ST6GALNAC3: variants seen among roughly 807,000 people sequenced by gnomAD.
The protein encoded by ST6GALNAC3 is alpha-N-acetylgalactosaminide alpha-2,6-sialyltransferase 3.
Under a neutral mutation model 32.7 loss-of-function variants are expected in ST6GALNAC3, and 25 were observed. The observed-to-expected ratio is 0.76, with a 90% CI of 0.56 to 1.07. The LOEUF (loss-of-function observed/expected upper bound fraction) is 1.07. Ranked by LOEUF, ST6GALNAC3 falls within the 50% of genes least tolerant of loss-of-function variation. The pLI, the probability that ST6GALNAC3 is intolerant of heterozygous loss-of-function variation, is 0.00. For synonymous variants in ST6GALNAC3, 129 were observed against 133.1 expected (o/e 0.97, Z 0.21); for missense variants, 355 against 382.4 (o/e 0.93, Z 0.60).
At chr1:76,412,597 C>G (rs983351418) in intron 3 of ST6GALNAC3, among the ~76,000 whole-genome samples, 180 bp downstream of exon 3, 1 of 152,176 alleles carries the variant, frequency 6.6e-6, no homozygotes, top group African/African-American at 2.4e-5. Context: ...CCTATACTAC[C>G]TCCTGTTCTT....
chr1:76,458,626 A>AT (rs1157320977), intron 3 of ST6GALNAC3, among the ~76,000 whole-genome samples: 6 of 150,070 alleles, frequency 4.0e-5, no homozygotes, highest in Non-Finnish European at 8.9e-5. Context: ...TCAGTAAACT[A>AT]TTGCAAGAAC....
chr1:76,498,715 C>T (rs1328660291), intron 3 of ST6GALNAC3, among the ~76,000 whole-genome samples: 8 of 128,330 alleles, frequency 6.2e-5, no homozygotes, highest in South Asian at 3.4e-4. Context: ...TCCTTTGATT[C>T]GCAACAAAGC....
chr1:76,578,324 G>A (rs964512171), intron 3 of ST6GALNAC3, among the ~76,000 whole-genome samples: 1 of 152,020 alleles, frequency 6.6e-6, no homozygotes, highest in African/African-American at 2.4e-5. Context: ...ACAACTAGAT[G>A]TAGTAAACAA....
At chr1:76,620,682 G>A (rs1648579032) in intron 3 of ST6GALNAC3, among the ~76,000 whole-genome samples, 1 of 151,968 alleles carries the variant, frequency 6.6e-6, no homozygotes, top group African/African-American at 2.4e-5. Context: ...CTAATCTCAT[G>A]TAAAGCTAAT....
chr1:76,457,900 A>C (rs1376996653), intron 3 of ST6GALNAC3, among the ~76,000 whole-genome samples: 2 of 150,832 alleles, frequency 1.3e-5, no homozygotes, highest in Admixed American at 1.3e-4. Flanking sequence ...TAATTAAACT[A>C]AAGAGCTTCT....
intron 2 of ST6GALNAC3, among the ~76,000 whole-genome samples, chr1:76,357,089 G>C (rs192059064): frequency 6.8e-6 from 1 of 147,964 alleles, no homozygotes; most frequent in Admixed American, 6.8e-5. Flanking sequence ...TGGCTCTCCA[G>C]AAAATAGCTT....
At chr1:76,131,725 A>G (rs1438797917) in intron 1 of ST6GALNAC3, among the ~76,000 whole-genome samples, 2 of 152,268 alleles carry the variant, frequency 1.3e-5, no homozygotes, top group East Asian at 3.9e-4. Flanking sequence ...GCACCAGGTA[A>G]TTTATTCTTG....
At position 76,305,191 on chromosome 1, in the gene ST6GALNAC3, A is replaced by G. The variant is rs549385550; in HGVS notation, c.19-8614A>G. Among the ~76,000 whole-genome samples, 12 of 152,208 alleles carry G rather than the reference A, an allele frequency of 7.9e-5. No individual in the cohort carries two copies. The East Asian group carries it at 2.3e-3, about 29-fold the overall frequency. On this transcript the variant is annotated intron_variant, in intron 1 of 4. Coordinates refer to ENST00000328299, the MANE Select transcript of ST6GALNAC3 (RefSeq NM_152996.4). ...TGGAAAGTCCTGATGGGTCAGGTCC[A>G]TATCTAATCTTAAGAAGGGCAGCCT...
intron 3 of ST6GALNAC3, among the ~76,000 whole-genome samples, chr1:76,607,716 T>G (rs1264338102): frequency 6.6e-6 from 1 of 152,176 alleles, no homozygotes; most frequent in African/African-American, 2.4e-5. Flanking sequence ...TCTGGGTTGA[T>G]GGAGACAGAA....
chr1:76,075,204 C>T (rs954047743), intron 1 of ST6GALNAC3, among the ~76,000 whole-genome samples: 7 of 152,126 alleles, frequency 4.6e-5, no homozygotes, highest in African/African-American at 1.4e-4. Context: ...GCGGGTCCCG[C>T]GGCTCTGTGG....
intron 3 of ST6GALNAC3, chr1:76,577,384 A>T (rs1646828116): frequency 1.0e-6 from 1 of 953,374 alleles, no homozygotes; most frequent in Non-Finnish European, 1.2e-6. Flanking sequence ...CTTTTAGTGG[A>T]AATCGCTCTT....
intron 4 of ST6GALNAC3, 114 bp from the exon 5 acceptor site, chr1:76,628,506 C>A (rs1649116691): frequency 1.0e-6 from 1 of 979,310 alleles, no homozygotes; most frequent in Non-Finnish European, 1.4e-6. Context: ...GGACAAGAAT[C>A]ATGTATGGGT....
At position 76,629,066 on chromosome 1, in the gene ST6GALNAC3, G is replaced by T. The variant is rs1433918612; in HGVS notation, c.*260G>T. 5 of 1,210,196 alleles carry T rather than the reference G, an allele frequency of 4.1e-6. No individual in the cohort carries two copies. The highest frequency in any genetic ancestry group is 5.1e-6 in the Non-Finnish European group (5 of 973,160). 75.0% of individuals were successfully genotyped at this position (1,210,196 alleles called of 1,614,324 possible). Reference sequence around the variant, plus strand: ...TTTATAATTTAACTGGAATTGAGATGAAGGCCAGTGACATGACAACTGTGA... The same window carrying T: ...TTTATAATTTAACTGGAATTGAGATTAAGGCCAGTGACATGACAACTGTGA... On this transcript the variant is annotated 3_prime_UTR_variant, in exon 5 of 5. Coordinates refer to ENST00000328299, the MANE Select transcript of ST6GALNAC3 (RefSeq NM_152996.4).
chr1:76,341,617 CTT>C (rs1491234999), intron 2 of ST6GALNAC3, among the ~76,000 whole-genome samples: 9 of 110,434 alleles, frequency 8.1e-5, no homozygotes, highest in Admixed American at 2.7e-4. Context: ...TTCTTTCTTT[CTT>C]TCTTTCTTTC....
intron 3 of ST6GALNAC3, among the ~76,000 whole-genome samples, chr1:76,521,259 T>A (rs540799457): frequency 6.6e-6 from 1 of 151,720 alleles, no homozygotes; most frequent in East Asian, 1.9e-4. Flanking sequence ...ATAAACATTG[T>A]TATTTTGTGC....
chr1:76,454,618 C>G (rs1310857234), intron 3 of ST6GALNAC3, among the ~76,000 whole-genome samples: 1 of 152,106 alleles, frequency 6.6e-6, no homozygotes, highest in Non-Finnish European at 1.5e-5. Context: ...GCCCAAATCC[C>G]TTCTAGCTTG....
chr1:76,630,268 G>A lies in ST6GALNAC3; in HGVS notation c.*1462G>A. 3.0e-6 allele frequency: 3 copies of A among 985,198 alleles called. No individual in the cohort carries two copies. Among genetic ancestry groups the A allele is most frequent in the Non-Finnish European group, 3.6e-6 (3 of 829,824 alleles). 61.0% of individuals were successfully genotyped at this position (985,198 alleles called of 1,614,324 possible). On this transcript the variant is annotated 3_prime_UTR_variant, in exon 5 of 5. Coordinates refer to ENST00000328299, the MANE Select transcript of ST6GALNAC3 (RefSeq NM_152996.4). ...AAAAGTATCACAAAGGATGGTCTTG[G>A]CCATATGCTAGGGCCCCTGTGAAAA... is the stretch of plus-strand genomic sequence containing the variant.
intron 3 of ST6GALNAC3, among the ~76,000 whole-genome samples, chr1:76,508,631 C>T (rs559540996): frequency 2.5e-4 from 38 of 152,116 alleles, no homozygotes; most frequent in South Asian, 1.9e-3. Flanking sequence ...AAAGAGACTT[C>T]GGGAAGGGTA....
chr1:76,453,161 T>C (rs1304543936), intron 3 of ST6GALNAC3, among the ~76,000 whole-genome samples: 2 of 152,148 alleles, frequency 1.3e-5, no homozygotes, highest in East Asian at 3.9e-4. Context: ...TTATTTGGAT[T>C]TTCTGTCTTC....
Sources: gnomAD v4.1 joint callset for allele counts (sites outside exome capture counted in the v4.1 genomes callset) on GRCh38, gnomAD v4.1.1 for gene constraint, MANE v1.5 for transcripts, NCBI Gene and HGNC (gene_info 2026-07-23, HGNC 2026-07-21) for gene names.